Variants in LIPN observed in about 807,000 individuals in gnomAD.
LIPN encodes the protein lipase family member N.
LIPN carries 32 observed loss-of-function variants against 43.7 expected under a neutral mutation model. The ratio of observed to expected loss-of-function variants is 0.73; its 90% CI spans 0.55 to 0.98. The LOEUF (loss-of-function observed/expected upper bound fraction) is 0.98, where lower values mean the gene tolerates loss of function less well. LIPN is among the 50% of genes least tolerant of loss of function. LIPN has a pLI of 0.00. For synonymous variants in LIPN, 156 were observed against 157.6 expected, an observed-to-expected ratio of 0.99 and a Z score of 0.08; for missense variants, 505 against 483.8, an observed-to-expected ratio of 1.04 and a Z score of -0.41.
At chr10:88,768,466 A>C (rs575636880) in intron 5 of LIPN, among the ~76,000 whole-genome samples, 16 of 152,006 alleles carry the variant, frequency 1.1e-4, no homozygotes, top group South Asian at 1.0e-3. Flanking sequence ...ATGAAATGAG[A>C]ATGTTGCCAG....
At chr10:88,766,426 T>C in intron 5 of LIPN, 48 bp downstream of exon 5, 2 of 1,091,124 alleles carry the variant, frequency 1.8e-6, no homozygotes, top group East Asian at 2.4e-5. Context: ...GGGTCAGTTT[T>C]CTCAGAGTCT....
rs1386032521 is a variant in LIPN, at chr10:88,766,369, A to G, written c.526A>G (p.Thr176Ala). ...GTATTTCATTGGACATTCACTTGGC[A>G]CTACAATAGGTATGTTTATGAGGGT... ...KLYFIGHSLG[T>A]TIGFVAFSTM... Residue 176 changes from threonine to alanine, a missense_variant, in exon 5 of 10, where the codon ACT becomes GCT. Physicochemically the swap from Thr to Ala is moderately conservative, Grantham distance 58. Transcript: ENST00000404459. 3 of 1,588,302 alleles carry G rather than the reference A, an allele frequency of 1.9e-6. No individual in the cohort carries two copies. Among genetic ancestry groups the G allele is most frequent in the South Asian group, 1.1e-5 (1 of 90,560 alleles).
At chr10:88,771,139 TG>T in intron 7 of LIPN, 148 bp downstream of exon 7, 1 of 616,672 alleles carries the variant, frequency 1.6e-6, no homozygotes, top group Non-Finnish European at 2.7e-6. Context: ...AAAATGTTTA[TG>T]GGTATATAAT....
chr10:88,758,448 A>C (rs1461589614), upstream of LIPN, among the ~76,000 whole-genome samples: 1 of 150,786 alleles, frequency 6.6e-6, no homozygotes, highest in African/African-American at 2.4e-5. Flanking sequence ...AACAAGTTTT[A>C]ATGTATTCAT....
At chr10:88,775,066 C>A in intron 8 of LIPN, 26 bp from the exon 9 acceptor site, 2 of 1,485,492 alleles carry the variant, frequency 1.3e-6, no homozygotes, top group Non-Finnish European at 1.8e-6. Flanking sequence ...CCTAACTATT[C>A]TTTTTCTAAA....
intron 4 of LIPN, among the ~76,000 whole-genome samples, chr10:88,765,537 T>C (rs565705606): frequency 5.3e-5 from 8 of 152,056 alleles, no homozygotes; most frequent in Non-Finnish European, 8.8e-5. Context: ...CATGTTCTTT[T>C]AATAAACAGG....
At chr10:88,761,234 A>T (rs1842990563) in intron 1 of LIPN, among the ~76,000 whole-genome samples, 164 bp from the exon 2 acceptor site, 1 of 152,164 alleles carries the variant, frequency 6.6e-6, no homozygotes, top group South Asian at 2.1e-4. Context: ...ATAGATTAAT[A>T]GTGCTCCAAG....
At position 88,774,472 on chromosome 10, in the gene LIPN, G is replaced by T; in HGVS notation, c.820-1G>T. On this transcript the variant is annotated splice_acceptor_variant, in intron 7 of 9. Coordinates refer to ENST00000404459, the MANE Select transcript of LIPN (RefSeq NM_001102469.2). LOFTEE classifies it high-confidence loss of function. ...TGTAATATGAGTTTTATCTCCTTTAGAGTCGAATGGATGTGTATATGTCAC... is the reference window on the plus strand; with the variant it reads ...TGTAATATGAGTTTTATCTCCTTTATAGTCGAATGGATGTGTATATGTCAC... 6.2e-7 allele frequency: 1 copy of T among 1,607,692 alleles called. No homozygotes were observed. The highest frequency in any genetic ancestry group is 8.5e-7 in the Non-Finnish European group (1 of 1,175,958).
intron 4 of LIPN, among the ~76,000 whole-genome samples, chr10:88,765,804 G>C (rs1843085918): frequency 6.8e-6 from 1 of 147,110 alleles, no homozygotes; most frequent in South Asian, 2.4e-4. Context: ...TTTCCCAAAT[G>C]AGAAAACATA....
intron 7 of LIPN, 122 bp from the exon 8 acceptor site, chr10:88,774,351 T>G: frequency 1.6e-6 from 1 of 631,284 alleles, no homozygotes; most frequent in South Asian, 2.0e-5. Flanking sequence ...ATCTAGATAA[T>G]TCTACCTTGT....
At chr10:88,767,695 A>G (rs1035807707) in intron 5 of LIPN, among the ~76,000 whole-genome samples, 1 of 122,388 alleles carries the variant, frequency 8.2e-6, no homozygotes, top group African/African-American at 3.1e-5. Context: ...AAAAAAAACC[A>G]TGGAGAATTT....
intron 3 of LIPN, among the ~76,000 whole-genome samples, chr10:88,762,771 A>G (rs528608504): frequency 4.6e-4 from 70 of 152,214 alleles, no homozygotes; most frequent in Admixed American, 2.5e-3. Context: ...ATGACAACGC[A>G]TTTCTGAAAA....
intron 9 of LIPN, among the ~76,000 whole-genome samples, chr10:88,777,391 T>A (rs1188064127): frequency 6.6e-6 from 1 of 152,068 alleles, no homozygotes; most frequent in East Asian, 1.9e-4. Flanking sequence ...TTTCTATGGC[T>A]TATCTAGATT....
chr10:88,761,746 TC>T (rs1843002119), intron 2 of LIPN, among the ~76,000 whole-genome samples: 6 of 99,622 alleles, frequency 6.0e-5, no homozygotes, highest in Non-Finnish European at 1.1e-4. Flanking sequence ...TATCTATCTA[TC>T]TATCTATCTA....
At chr10:88,759,986 C>T (rs1383708497), upstream of LIPN, among the ~76,000 whole-genome samples, 1 of 152,118 alleles carries the variant, frequency 6.6e-6, no homozygotes, top group African/African-American at 2.4e-5. Flanking sequence ...TTTCTCATCT[C>T]TCTAGCTTCT....
At chr10:88,764,355 T>TTCTCTC (rs1187959869) in intron 3 of LIPN, 55 bp from the exon 4 acceptor site, 2 of 1,334,232 alleles carry the variant, frequency 1.5e-6, no homozygotes, top group Non-Finnish European at 1.1e-6. Context: ...CTCTCACTCT[T>TTCTCTC]TCTCTCTCTC....
At chr10:88,771,159 A>G (rs1843202450) in intron 7 of LIPN, among the ~76,000 whole-genome samples, 168 bp downstream of exon 7, 1 of 151,874 alleles carries the variant, frequency 6.6e-6, no homozygotes, top group Non-Finnish European at 1.5e-5. Flanking sequence ...ATAGTTGTAC[A>G]TATTTATGAG....
chr10:88,774,826 G>A (rs144867291), intron 8 of LIPN, among the ~76,000 whole-genome samples: 133 of 152,072 alleles, frequency 8.7e-4, no homozygotes, highest in African/African-American at 2.7e-3. Context: ...CAGGAGAACT[G>A]AGACTTCTCC....
At chr10:88,760,277 T>G (rs890131508) in intron 1 of LIPN, among the ~76,000 whole-genome samples, 171 bp downstream of exon 1, 1 of 152,118 alleles carries the variant, frequency 6.6e-6, no homozygotes, top group African/African-American at 2.4e-5. Context: ...CTTTGTTTTT[T>G]TAATTGATAA....
Sources: allele counts gnomAD v4.1 joint callset (sites outside exome capture counted in the v4.1 genomes callset), GRCh38; gene constraint gnomAD v4.1.1; transcripts MANE v1.5; gene names NCBI Gene and HGNC (gene_info 2026-07-23, HGNC 2026-07-21).